Variants in DGKI observed in about 807,000 individuals in gnomAD.
DGKI encodes the protein diacylglycerol kinase iota, also known as DAG kinase iota.
In DGKI, 55 loss-of-function variants were observed where a neutral mutation model predicts 147.5. The ratio of observed to expected loss-of-function variants is 0.37; its 90% CI spans 0.30 to 0.47. The LOEUF (loss-of-function observed/expected upper bound fraction) is 0.47, where lower values mean the gene tolerates loss of function less well. Ranked by LOEUF, DGKI falls within the 20% of genes least tolerant of loss-of-function variation. DGKI has a pLI of 1.00. For synonymous variants in DGKI, 469 were observed against 477.1 expected, an observed-to-expected ratio of 0.98 and a Z score of 0.22; for missense variants, 1,007 against 1,323.8, an observed-to-expected ratio of 0.76 and a Z score of 3.71.
At chr7:137,748,788 T>C (rs900747682) in intron 1 of DGKI, among the ~76,000 whole-genome samples, 8 of 152,166 alleles carry the variant, frequency 5.3e-5, no homozygotes, top group African/African-American at 1.9e-4. Context: ...TAAAAACCAT[T>C]AGAAAAAAAT....
intron 1 of DGKI, among the ~76,000 whole-genome samples, chr7:137,826,860 A>G (rs1798072970): frequency 1.3e-5 from 2 of 152,194 alleles, no homozygotes; most frequent in Non-Finnish European, 2.9e-5. Flanking sequence ...GTAATAATGA[A>G]TGGCATCAAA....
chr7:137,408,149 G>A (rs1364710440), intron 29 of DGKI, among the ~76,000 whole-genome samples, 154 bp from the exon 30 acceptor site: 1 of 152,218 alleles, frequency 6.6e-6, no homozygotes, highest in Admixed American at 6.5e-5. Context: ...AACATTCCTG[G>A]ACTGTGTTAT....
Position 137,463,471 on chromosome 7 carries a change from C to T in DGKI, c.2735+18G>A, listed in dbSNP as rs371540201. ...ATCACAGTGGCACAGAGGAAAAGAA[C>T]AGCAAGAGAACTCTTACTGTAGCAC... On this transcript the variant is annotated intron_variant, in intron 27 of 32. Coordinates refer to ENST00000614521, the MANE Select transcript of DGKI (RefSeq NM_001321708.2). 8.1e-6 allele frequency: 13 copies of T among 1,612,552 alleles called. No individual in the cohort carries two copies. The African/African-American group carries it at 1.3e-4, about 17-fold the overall frequency.
chr7:137,739,993 G>T (rs1191392333), intron 1 of DGKI, among the ~76,000 whole-genome samples: 1 of 152,150 alleles, frequency 6.6e-6, no homozygotes, highest in Non-Finnish European at 1.5e-5. Context: ...AGGGGAAAAG[G>T]TGAAGCATCT....
At chr7:137,707,000 A>AT (rs1038208329) in intron 1 of DGKI, among the ~76,000 whole-genome samples, 1 of 152,288 alleles carries the variant, frequency 6.6e-6, no homozygotes, top group Middle Eastern at 3.4e-3. Flanking sequence ...AAAGAGCTTT[A>AT]TTTTCCAACA....
intron 23 of DGKI, among the ~76,000 whole-genome samples, chr7:137,474,047 C>T (rs1322916113): frequency 6.6e-6 from 1 of 152,162 alleles, no homozygotes; most frequent in African/African-American, 2.4e-5. Flanking sequence ...TTGTGAAGCT[C>T]TTTCCACCTT....
At chr7:137,647,280 T>C (rs541721071) in intron 5 of DGKI, among the ~76,000 whole-genome samples, 51 of 152,296 alleles carry the variant, frequency 3.3e-4, no homozygotes, top group Non-Finnish European at 6.3e-4. Flanking sequence ...TATATGTTGA[T>C]TGGGAAATTG....
intron 1 of DGKI, among the ~76,000 whole-genome samples, chr7:137,711,259 A>C (rs1794202542): frequency 6.6e-6 from 1 of 152,236 alleles, no homozygotes; most frequent in Admixed American, 6.5e-5. Context: ...TATGCACCCT[A>C]GATAATCTCT....
intron 6 of DGKI, among the ~76,000 whole-genome samples, chr7:137,632,765 A>T (rs1821177238): frequency 6.6e-6 from 1 of 152,304 alleles, no homozygotes; most frequent in African/African-American, 2.4e-5. Context: ...AGGCTGAGGC[A>T]GGAGAATTGC....
At chr7:137,775,051 T>C (rs1287777877) in intron 1 of DGKI, 2 of 152,172 alleles carry the variant, frequency 1.3e-5, no homozygotes, top group East Asian at 3.9e-4. Context: ...TTTCTTTTTT[T>C]ATTATTATTT....
At chr7:137,752,688 G>A (rs1041570673) in intron 1 of DGKI, among the ~76,000 whole-genome samples, 12 of 152,210 alleles carry the variant, frequency 7.9e-5, no homozygotes, top group Middle Eastern at 3.4e-3. Context: ...CATAACCCCT[G>A]CTTGCTCAAT....
intron 1 of DGKI, among the ~76,000 whole-genome samples, chr7:137,784,085 C>T (rs1796597028): frequency 6.6e-6 from 1 of 152,138 alleles, no homozygotes; most frequent in Non-Finnish European, 1.5e-5. Context: ...ATTCAGGCAA[C>T]AAATAGCATG....
At chr7:137,545,061 G>C (rs569682886) in intron 20 of DGKI, among the ~76,000 whole-genome samples, 1 of 152,318 alleles carries the variant, frequency 6.6e-6, no homozygotes, top group East Asian at 1.9e-4. Flanking sequence ...CAGACTGCCT[G>C]AGTCTGAATC....
intron 28 of DGKI, among the ~76,000 whole-genome samples, chr7:137,427,660 T>C (rs932405431): frequency 6.6e-6 from 1 of 151,818 alleles, no homozygotes; most frequent in African/African-American, 2.4e-5. Context: ...CTAGCAAGAC[T>C]AATAAAGAAA....
At chr7:137,821,066 A>C (rs1797883723) in intron 1 of DGKI, among the ~76,000 whole-genome samples, 1 of 152,094 alleles carries the variant, frequency 6.6e-6, no homozygotes, top group African/African-American at 2.4e-5. Flanking sequence ...CAGACTGAGC[A>C]CCTCGTTGGT....
intron 28 of DGKI, among the ~76,000 whole-genome samples, chr7:137,443,857 T>C (rs1453870415): frequency 6.6e-6 from 1 of 152,224 alleles, no homozygotes; most frequent in African/African-American, 2.4e-5. Context: ...GGCTTCACAA[T>C]ATTCGTCAAC....
At chr7:137,585,505 A>G (rs1819360580) in intron 13 of DGKI, among the ~76,000 whole-genome samples, 159 bp from the exon 14 acceptor site, 1 of 152,228 alleles carries the variant, frequency 6.6e-6, no homozygotes, top group Non-Finnish European at 1.5e-5. Flanking sequence ...AGAATTTGAG[A>G]CAATACTATA....
At chr7:137,405,931 C>G (rs1255405405) in intron 30 of DGKI, among the ~76,000 whole-genome samples, 4 of 151,964 alleles carry the variant, frequency 2.6e-5, no homozygotes, top group East Asian at 1.9e-4. Flanking sequence ...ACGGTGGATA[C>G]AGAGAGGATC....
rs114445564 is a variant in DGKI, at chr7:137,523,881, T to C, written c.2148-1915A>G. On this transcript the variant is annotated intron_variant, in intron 20 of 32. Coordinates refer to ENST00000614521, the MANE Select transcript of DGKI (RefSeq NM_001321708.2). ...GAAGTTCAGAAAGGTGAAGTGATTT[T>C]AAGGTCACATAGCCACTAAGTAGCA... is the stretch of plus-strand genomic sequence containing the variant. Among the ~76,000 whole-genome samples, 940 of 146,468 alleles carry C rather than the reference T, an allele frequency of 6.4e-3. 57 individuals carry two copies. Among genetic ancestry groups the C allele is most frequent in the African/African-American group, 0.025 (903 of 36,072 alleles).
Sources: gnomAD v4.1 joint callset for allele counts (sites outside exome capture counted in the v4.1 genomes callset) on GRCh38, gnomAD v4.1.1 for gene constraint, MANE v1.5 for transcripts, NCBI Gene and HGNC (gene_info 2026-07-23, HGNC 2026-07-21) for gene names.